TMEM68: variants seen among roughly 807,000 people sequenced by gnomAD.
TMEM68 encodes transmembrane protein 68, also known as DGAT1/2-independent enzyme synthesizing storage lipids.
In TMEM68, 25 loss-of-function variants were observed where a neutral mutation model predicts 36.9. The ratio of observed to expected loss-of-function variants is 0.68; its 90% CI spans 0.49 to 0.95. TMEM68 has a LOEUF of 0.95. Ranked by LOEUF, TMEM68 falls within the 40% of genes least tolerant of loss-of-function variation. TMEM68 has a pLI of 0.00. For synonymous variants in TMEM68, 131 were observed against 124.4 expected (o/e 1.05, Z -0.35); for missense variants, 333 against 392.0 (o/e 0.85, Z 1.27).
In TMEM68 at chr8:55,740,225, A is replaced by G; in HGVS notation, c.889-7T>C. ...CTTGAACAGCATTCTTCGTCTATTA[A>G]GAAAACAAAAGAAAAGCTATTGTTA... On this transcript the variant is annotated splice_region_variant and splice_polypyrimidine_tract_variant and intron_variant, in intron 7 of 7. Coordinates refer to ENST00000434581, the MANE Select transcript of TMEM68 (RefSeq NM_001286657.2). 1 of 1,602,866 alleles carries G rather than the reference A, an allele frequency of 6.2e-7. No individual in the cohort carries two copies. Among genetic ancestry groups the G allele is most frequent in the Non-Finnish European group, 8.5e-7 (1 of 1,171,886 alleles).
chr8:55,746,317 C>CAAAAAAAAAAA lies in TMEM68; in HGVS notation c.688-1207_688-1197dup, dbSNP rs376241142. The CAAAAAAAAAAA allele has an allele frequency of 1.7e-3, 97 of 57,194 alleles. 7 individuals are homozygous for CAAAAAAAAAAA. Among genetic ancestry groups the CAAAAAAAAAAA allele is most frequent in the African/African-American group, 7.0e-3 (91 of 13,046 alleles). The allele number at this position is 57,194 out of a possible 1,614,324, so 3.5% of individuals were successfully genotyped here. ...GGCAATAGAGCGAGACACTGTCTCC[C>CAAAAAAAAAAA]AAAAAAAAAAAAAAAAAAAAAAAAG... is the stretch of plus-strand genomic sequence containing the variant. On this transcript the variant is annotated intron_variant, in intron 5 of 7. Transcript: ENST00000434581.
intron 3 of TMEM68, chr8:55,761,557 C>G (rs1335465850): frequency 1.3e-5 from 2 of 152,190 alleles, no homozygotes; most frequent in East Asian, 3.9e-4. Context: ...AAATAACAAC[C>G]TCTCTGTGCC....
intron 4 of TMEM68, among the ~76,000 whole-genome samples, chr8:55,754,448 T>TAC (rs1365779116): frequency 1.9e-5 from 2 of 103,738 alleles, no homozygotes; most frequent in Non-Finnish European, 3.7e-5. Flanking sequence ...GTCTCGAATA[T>TAC]ATATATATAT....
intron 3 of TMEM68, among the ~76,000 whole-genome samples, chr8:55,759,994 G>A: frequency 6.6e-6 from 1 of 152,214 alleles, no homozygotes; most frequent in East Asian, 1.9e-4. Context: ...TAAATGACAG[G>A]ATGAAAGGTG....
intron 4 of TMEM68, among the ~76,000 whole-genome samples, chr8:55,752,788 A>G (rs964041516): frequency 6.6e-6 from 1 of 150,458 alleles, no homozygotes; most frequent in African/African-American, 2.5e-5. Context: ...GCAGGGGCAC[A>G]ATAGTAGCTC....
intron 4 of TMEM68, among the ~76,000 whole-genome samples, chr8:55,754,420 G>A (rs983439975): frequency 1.4e-5 from 2 of 137,984 alleles, no homozygotes; most frequent in Non-Finnish European, 3.0e-5. Flanking sequence ...TCTAGCCCAG[G>A]TGACAGAGCA....
rs1810912425 is a variant in TMEM68, at chr8:55,764,783, A to G, written c.-114-803T>C. Reference sequence around the variant, plus strand: ...ATCTAATCAATCCATATAAAAAGTCAAATCACCAGCTGGGCGCAGTGGCTC... The same window carrying G: ...ATCTAATCAATCCATATAAAAAGTCGAATCACCAGCTGGGCGCAGTGGCTC... On this transcript the variant is annotated intron_variant, in intron 1 of 7. Transcript: ENST00000434581. 2.0e-5 allele frequency among the ~76,000 whole-genome samples: 3 copies of G among 152,050 alleles called. No homozygotes were observed. The South Asian group carries it at 6.2e-4, about 32-fold the overall frequency.
In TMEM68 at chr8:55,745,055, A is replaced by G; in HGVS notation, c.748+6T>C. 6.7e-7 allele frequency: 1 copy of G among 1,486,542 alleles called. No individual in the cohort carries two copies. Among genetic ancestry groups the G allele is most frequent in the Non-Finnish European group, 8.9e-7 (1 of 1,120,578 alleles). 92.1% of individuals were successfully genotyped at this position (1,486,542 alleles called of 1,614,324 possible). A position where few individuals can be genotyped will look rare whatever the true frequency, so the allele number is the denominator to read the frequency against. On this transcript the variant is annotated splice_donor_region_variant and intron_variant, in intron 6 of 7. Transcript: ENST00000434581. The stretch of plus-strand genomic sequence containing the variant: ...GTAATTTAAAACCATACAAATCAGA[A>G]CTTACTTGTTCCTCCAAGTGATCTA...
At chr8:55,750,630 C>T (rs1050016752) in intron 5 of TMEM68, among the ~76,000 whole-genome samples, 5 of 151,418 alleles carry the variant, frequency 3.3e-5, no homozygotes, top group Non-Finnish European at 7.4e-5. Flanking sequence ...ACCACTACCT[C>T]CTGGGTTCAA....
At chr8:55,746,317 CAAAAAAAAA>C (rs376241142) in intron 5 of TMEM68, 6 of 57,198 alleles carry the variant, frequency 1.0e-4, no homozygotes, top group African/African-American at 3.1e-4. Context: ...CACTGTCTCC[CAAAAAAAAA>C]AAAAAAAAAA....
intron 5 of TMEM68, among the ~76,000 whole-genome samples, chr8:55,748,447 A>T: frequency 6.6e-6 from 1 of 151,568 alleles, no homozygotes. Flanking sequence ...TCTTTCATGC[A>T]TACTTTGTAC....
chr8:55,744,948 T>C (rs1810225539), intron 6 of TMEM68, 113 bp downstream of exon 6: 5 of 596,582 alleles, frequency 8.4e-6, no homozygotes, highest in Non-Finnish European at 1.3e-5. Flanking sequence ...AACGTCTAAA[T>C]AGTATATCCA....
Position 55,755,290 on chromosome 8 carries a change from G to A in TMEM68, c.493+954C>T, listed in dbSNP as rs371580241. ...TATATCTTTTTTTTTTTTTTGAGAC[G>A]GAGTCTTACTCTGTTGCCCAGGCTG... On this transcript the variant is annotated intron_variant, in intron 4 of 7. Transcript: ENST00000434581. Among the ~76,000 whole-genome samples the A allele has an allele frequency of 3.2e-4, 47 of 148,048 alleles. No homozygotes were observed. The East Asian group carries it at 6.7e-3, about 21-fold the overall frequency.
rs147182382 is a variant in TMEM68, at chr8:55,764,724, T to C, written c.-114-744A>G. 3.6e-4 allele frequency among the ~76,000 whole-genome samples: 55 copies of C among 152,264 alleles called. No individual in the cohort carries two copies. The East Asian group carries it at 8.7e-3, about 24-fold the overall frequency. On this transcript the variant is annotated intron_variant, in intron 1 of 7. Coordinates refer to ENST00000434581, the MANE Select transcript of TMEM68 (RefSeq NM_001286657.2). The stretch of plus-strand genomic sequence containing the variant: ...TTACAGGAGATGAACATAGCAAACA[T>C]TGAGCCCACAACTTGGGCTTTATTT...
chr8:55,754,720 T>C (rs1331744389), intron 4 of TMEM68, among the ~76,000 whole-genome samples: 2 of 128,392 alleles, frequency 1.6e-5, no homozygotes, highest in East Asian at 2.0e-4. Context: ...ATATATATTA[T>C]ATATAAAATA....
At chr8:55,754,758 A>G (rs1233113404) in intron 4 of TMEM68, among the ~76,000 whole-genome samples, 2 of 110,722 alleles carry the variant, frequency 1.8e-5, no homozygotes, top group Non-Finnish European at 3.4e-5. Flanking sequence ...TATATATAAA[A>G]TACATACATT....
chr8:55,755,762 T>A (rs1810586392), intron 4 of TMEM68, among the ~76,000 whole-genome samples: 1 of 152,038 alleles, frequency 6.6e-6, no homozygotes, highest in South Asian at 2.1e-4. Context: ...CAATTTGCTT[T>A]TTAAAAGTTA....
chr8:55,754,679 A>AATATATATTATATATAAAATACATAT (rs1554553133), intron 4 of TMEM68, among the ~76,000 whole-genome samples: 2 of 101,072 alleles, frequency 2.0e-5, no homozygotes, highest in South Asian at 2.9e-4. Flanking sequence ...TATATTATGT[A>AATATATATTATATATAAAATACATAT]ATATATATTA....
rs376346908 is a variant in TMEM68 at position 55,743,521 on chromosome 8, G to A, written c.848C>T (p.Pro283Leu). ...TTCCGCTGTTATCTGTGGGTCATACGGAATGGGGTCGCCTAAATAGGTCCG... is the reference window on the plus strand; with the variant it reads ...TTCCGCTGTTATCTGTGGGTCATACAGAATGGGGTCGCCTAAATAGGTCCG... ...KLRTYLGDPI[P>L]YDPQITAEEL... The change falls in exon 7 of 8, where the codon CCG becomes CTG. Residue 283 changes from proline (P) to leucine (L), a missense_variant. Coordinates refer to ENST00000434581, the MANE Select transcript of TMEM68 (RefSeq NM_001286657.2). 1,921 of 1,535,614 alleles carry A rather than the reference G, an allele frequency of 1.3e-3. 1 individual carries two copies. Among genetic ancestry groups the A allele is most frequent in the Non-Finnish European group, 1.6e-3 (1,802 of 1,146,640 alleles).
Sources: gnomAD v4.1 joint callset for allele counts (sites outside exome capture counted in the v4.1 genomes callset) on GRCh38, gnomAD v4.1.1 for gene constraint, MANE v1.5 for transcripts, NCBI Gene and HGNC (gene_info 2026-07-23, HGNC 2026-07-21) for gene names.